Variants in CADM1 observed in about 807,000 individuals in gnomAD.
CADM1 encodes TSLC-1.
Under a neutral mutation model 53.1 loss-of-function variants are expected in CADM1, and 15 were observed. That is an observed-to-expected ratio of 0.28 (90% CI 0.19 to 0.44). CADM1 has a LOEUF of 0.44. Ranked by LOEUF, CADM1 falls within the 20% of genes least tolerant of loss-of-function variation. The pLI is 1.00. For synonymous variants in CADM1, 281 were observed against 243.0 expected (o/e 1.16, Z -1.45); for missense variants, 434 against 611.3 (o/e 0.71, Z 3.06).
chr11:115,439,836 A>G (rs1948269115), intron 1 of CADM1, among the ~76,000 whole-genome samples: 1 of 152,238 alleles, frequency 6.6e-6, no homozygotes, highest in Admixed American at 6.5e-5. Context: ...TTTTCCCATC[A>G]AAACATTGGA....
intron 1 of CADM1, among the ~76,000 whole-genome samples, chr11:115,370,603 C>G (rs1192574341): frequency 1.3e-5 from 2 of 152,192 alleles, no homozygotes; most frequent in Non-Finnish European, 2.9e-5. Flanking sequence ...GTCTCAGAAT[C>G]AAACCAATCT....
At chr11:115,416,431 G>C (rs960453679) in intron 1 of CADM1, among the ~76,000 whole-genome samples, 7 of 152,110 alleles carry the variant, frequency 4.6e-5, no homozygotes, top group African/African-American at 1.7e-4. Context: ...CTGGGTAACA[G>C]TAAACTCAAG....
At chr11:115,437,280 C>T (rs1948204951) in intron 1 of CADM1, among the ~76,000 whole-genome samples, 1 of 152,146 alleles carries the variant, frequency 6.6e-6, no homozygotes, top group East Asian at 1.9e-4. Flanking sequence ...TCAATCCTTT[C>T]TTGGTCTGAA....
At chr11:115,302,485 G>T (rs1944253509) in intron 1 of CADM1, among the ~76,000 whole-genome samples, 1 of 151,988 alleles carries the variant, frequency 6.6e-6, no homozygotes, top group South Asian at 2.1e-4. Context: ...AGTGGGAAAG[G>T]TATTATGGAG....
chr11:115,327,563 A>G (rs1944992456), intron 1 of CADM1, among the ~76,000 whole-genome samples: 2 of 151,986 alleles, frequency 1.3e-5, no homozygotes, highest in South Asian at 4.2e-4. Context: ...AGAATCACCT[A>G]TTCAGCATTT....
At chr11:115,346,977 T>A (rs975840203) in intron 1 of CADM1, among the ~76,000 whole-genome samples, 1 of 152,070 alleles carries the variant, frequency 6.6e-6, no homozygotes, top group African/African-American at 2.4e-5. Flanking sequence ...TATTGATTCA[T>A]CCTAAAGGTG....
intron 1 of CADM1, among the ~76,000 whole-genome samples, chr11:115,468,883 G>A (rs1289395689): frequency 6.6e-6 from 1 of 152,180 alleles, no homozygotes; most frequent in East Asian, 1.9e-4. Flanking sequence ...GAAGGCAAAG[G>A]AGGAGCAAAG....
At chr11:115,287,130 T>C (rs1943749709) in intron 1 of CADM1, among the ~76,000 whole-genome samples, 2 of 152,210 alleles carry the variant, frequency 1.3e-5, no homozygotes, top group East Asian at 3.9e-4. Context: ...CAGGAACACA[T>C]TGCATTCTCT....
chr11:115,237,551 A>G (rs1942054359), intron 3 of CADM1, among the ~76,000 whole-genome samples: 1 of 152,220 alleles, frequency 6.6e-6, no homozygotes, highest in Non-Finnish European at 1.5e-5. Context: ...CTTCATATTT[A>G]TCTTTCCTCT....
intron 11 of CADM1, among the ~76,000 whole-genome samples, 173 bp downstream of exon 11, chr11:115,178,471 A>G (rs1939141236): frequency 6.7e-6 from 1 of 148,802 alleles, no homozygotes; most frequent in Non-Finnish European, 1.5e-5. Context: ...GGCTGCTAAG[A>G]TTTCTGGTTT....
Position 115,172,988 on chromosome 11 carries a change from T to G in CADM1, c.*3486A>C, listed in dbSNP as rs1409504848. Reference sequence around the variant, plus strand: ...ATTTATAAGATCGGCCACCATGAAGTGTAGTCATTGCTCACTTCAGCCTGC... The same window carrying G: ...ATTTATAAGATCGGCCACCATGAAGGGTAGTCATTGCTCACTTCAGCCTGC... On this transcript the variant is annotated 3_prime_UTR_variant, in exon 12 of 12. Transcript: ENST00000331581. The G allele has an allele frequency of 6.6e-6, 1 of 152,114 alleles. No homozygotes were observed. The highest frequency in any genetic ancestry group is 1.5e-5 in the Non-Finnish European group (1 of 68,026). The allele number at this position is 152,114 out of a possible 1,614,324, so 9.4% of individuals were successfully genotyped here.
intron 1 of CADM1, among the ~76,000 whole-genome samples, chr11:115,383,749 C>T (rs576734583): frequency 7.9e-5 from 12 of 152,286 alleles, no homozygotes; most frequent in Admixed American, 5.9e-4. Flanking sequence ...AACAGAGTTT[C>T]TTAGGAATTT....
chr11:115,196,718 G>A (rs1257268732), intron 9 of CADM1, among the ~76,000 whole-genome samples: 1 of 151,974 alleles, frequency 6.6e-6, no homozygotes, highest in African/African-American at 2.4e-5. Flanking sequence ...TAGGCTATGG[G>A]TTGGATGAGC....
intron 1 of CADM1, among the ~76,000 whole-genome samples, chr11:115,385,895 A>G (rs1055230749): frequency 6.6e-6 from 1 of 152,120 alleles, no homozygotes; most frequent in Non-Finnish European, 1.5e-5. Context: ...AGCTCCCTAG[A>G]CTCTACCTTT....
chr11:115,251,927 C>CA (rs1942619200), intron 1 of CADM1, among the ~76,000 whole-genome samples: 1 of 152,188 alleles, frequency 6.6e-6, no homozygotes, highest in African/African-American at 2.4e-5. Flanking sequence ...CTCCCCAGTG[C>CA]AAAGCCTATG....
intron 1 of CADM1, among the ~76,000 whole-genome samples, chr11:115,392,366 C>T (rs1393925544): frequency 6.6e-6 from 1 of 151,662 alleles, no homozygotes; most frequent in Non-Finnish European, 1.5e-5. Flanking sequence ...TTTTCCTATT[C>T]AAGCAGAAAA....
At chr11:115,226,524 GT>G (rs1421205773) in intron 5 of CADM1, among the ~76,000 whole-genome samples, 3 of 152,198 alleles carry the variant, frequency 2.0e-5, no homozygotes, top group Non-Finnish European at 4.4e-5. Flanking sequence ...CAGGTGCAAT[GT>G]TACTCCTCAC....
chr11:115,360,876 GTTT>G (rs1019324766), intron 1 of CADM1, among the ~76,000 whole-genome samples: 1 of 151,486 alleles, frequency 6.6e-6, no homozygotes, highest in African/African-American at 2.4e-5. Flanking sequence ...TTTATTTTAT[GTTT>G]TTTAAGATTT....
intron 1 of CADM1, chr11:115,287,501 T>G (rs945378159): frequency 9.9e-5 from 15 of 152,264 alleles, no homozygotes; most frequent in Non-Finnish European, 2.2e-4. Context: ...TCTAGTCATC[T>G]GCCAGAAGAA....
Sources: allele counts gnomAD v4.1 joint callset (sites outside exome capture counted in the v4.1 genomes callset), GRCh38; gene constraint gnomAD v4.1.1; transcripts MANE v1.5; gene names NCBI Gene and HGNC (gene_info 2026-07-23, HGNC 2026-07-21).